The following WDR72 variants were observed in gnomAD, a reference collection of about 807,000 sequenced individuals.
WDR72 encodes the protein WD repeat-containing protein 72.
A neutral mutation model predicts 124.2 loss-of-function variants in WDR72; 120 were observed. The observed-to-expected ratio is 0.97, with a 90% CI of 0.83 to 1.12. The LOEUF (loss-of-function observed/expected upper bound fraction) is 1.12, where lower values mean the gene tolerates loss of function less well. Among genes scored for constraint, WDR72 ranks in the 50% most tolerant of loss-of-function variants. The pLI, the probability that WDR72 is intolerant of heterozygous loss-of-function variation, is 0.00. For synonymous variants in WDR72, 452 were observed against 441.7 expected (o/e 1.02, Z -0.29); for missense variants, 1,387 against 1,278.8 (o/e 1.08, Z -1.29).
intron 18 of WDR72, among the ~76,000 whole-genome samples, chr15:53,549,847 C>G (rs1364530032): frequency 6.6e-6 from 1 of 152,146 alleles, no homozygotes; most frequent in Non-Finnish European, 1.5e-5. Flanking sequence ...GTGCCCAACT[C>G]TATAATACAT....
intron 1 of WDR72, among the ~76,000 whole-genome samples, chr15:53,748,386 T>C (rs758803633): frequency 9.2e-5 from 14 of 152,222 alleles, no homozygotes; most frequent in Non-Finnish European, 1.6e-4. Context: ...TACATAAGTA[T>C]ATTTGTTTTG....
At chr15:53,635,730 G>A (rs1054716399) in intron 14 of WDR72, among the ~76,000 whole-genome samples, 1 of 152,100 alleles carries the variant, frequency 6.6e-6, no homozygotes, top group Non-Finnish European at 1.5e-5. Flanking sequence ...AAAACTAGCT[G>A]TTGGGTACAA....
intron 18 of WDR72, among the ~76,000 whole-genome samples, chr15:53,536,779 T>C (rs1377292031): frequency 6.6e-6 from 1 of 152,158 alleles, no homozygotes; most frequent in Non-Finnish European, 1.5e-5. Context: ...AGCAGTGACA[T>C]AGCACATTTA....
intron 14 of WDR72, among the ~76,000 whole-genome samples, chr15:53,642,458 G>A (rs1414621292): frequency 1.3e-5 from 2 of 151,946 alleles, no homozygotes; most frequent in African/African-American, 4.8e-5. Flanking sequence ...GTACACATAT[G>A]TTTTACTTCA....
intron 18 of WDR72, among the ~76,000 whole-genome samples, chr15:53,565,748 A>G (rs536662479): frequency 7.0e-6 from 1 of 143,542 alleles, no homozygotes; most frequent in East Asian, 2.1e-4. Flanking sequence ...CATTTCAAAC[A>G]TGTGCACATA....
chr15:53,655,259 A>AAAAAAAAAAAAAAG (rs1489415634), intron 14 of WDR72, among the ~76,000 whole-genome samples: 2 of 119,504 alleles, frequency 1.7e-5, no homozygotes, highest in African/African-American at 6.3e-5. Flanking sequence ...AAAAAAAAAA[A>AAAAAAAAAAAAAAG]AGAGATCTTA....
chr15:53,538,299 AAAGT>A (rs1208736647), intron 18 of WDR72, among the ~76,000 whole-genome samples: 1 of 152,198 alleles, frequency 6.6e-6, no homozygotes, highest in Non-Finnish European at 1.5e-5. Context: ...TTTATATTTC[AAAGT>A]AAGAACAGGT....
chr15:53,671,927 G>T (rs769894222), intron 13 of WDR72, among the ~76,000 whole-genome samples: 43 of 151,566 alleles, frequency 2.8e-4, no homozygotes, highest in South Asian at 1.0e-3. Flanking sequence ...GAAAGGGGAA[G>T]AGAAAAGAGA....
intron 18 of WDR72, among the ~76,000 whole-genome samples, chr15:53,596,087 G>T (rs961893907): frequency 2.0e-5 from 3 of 152,072 alleles, no homozygotes; most frequent in African/African-American, 7.2e-5. Flanking sequence ...CCTGTTTTAA[G>T]ATTTAACATT....
chr15:53,581,360 A>G (rs974722860), intron 18 of WDR72, among the ~76,000 whole-genome samples: 1 of 152,120 alleles, frequency 6.6e-6, no homozygotes, highest in African/African-American at 2.4e-5. Context: ...TTCAAATCTC[A>G]TAATTCATCA....
At chr15:53,635,250 G>GA (rs2014581291) in intron 14 of WDR72, among the ~76,000 whole-genome samples, 3 of 152,140 alleles carry the variant, frequency 2.0e-5, no homozygotes, top group South Asian at 2.1e-4. Flanking sequence ...CATTTTAACT[G>GA]AAAAAAGACA....
chr15:53,623,734 A>G (rs909621780), intron 14 of WDR72, among the ~76,000 whole-genome samples: 1 of 152,206 alleles, frequency 6.6e-6, no homozygotes, highest in Non-Finnish European at 1.5e-5. Context: ...TGCCTTCCAC[A>G]GTAGGTGAAC....
chr15:53,639,104 C>T (rs2014735388), intron 14 of WDR72, among the ~76,000 whole-genome samples: 1 of 152,154 alleles, frequency 6.6e-6, no homozygotes, highest in African/African-American at 2.4e-5. Context: ...GTCCACCAAT[C>T]TTATATCTAG....
intron 1 of WDR72, among the ~76,000 whole-genome samples, chr15:53,748,958 A>C (rs1251232675): frequency 6.6e-6 from 1 of 152,210 alleles, no homozygotes; most frequent in East Asian, 1.9e-4. Context: ...GTAGACAAGA[A>C]AGACAAAGCA....
intron 1 of WDR72, among the ~76,000 whole-genome samples, chr15:53,754,412 C>A (rs2140900496): frequency 6.6e-6 from 1 of 152,164 alleles, no homozygotes; most frequent in South Asian, 2.1e-4. Context: ...CCAACAAAAA[C>A]CAGGCAATAT....
At position 53,532,115 on chromosome 15, in the gene WDR72, T is replaced by C. The variant is rs184840295; in HGVS notation, c.3149-8793A>G. Among the ~76,000 whole-genome samples, 202 of 152,154 alleles carry C rather than the reference T, an allele frequency of 1.3e-3. 1 individual carries two copies. The highest frequency in any genetic ancestry group is 6.8e-3 in the Middle Eastern group (2 of 294). ...AGACATCATCTCACTCTAGTCAAAA[T>C]GGCTTTTAGACAAAAGACAGGCAAT... On this transcript the variant is annotated intron_variant, in intron 18 of 19. Transcript: ENST00000360509.
chr15:53,647,017 T>C (rs542780), intron 14 of WDR72, among the ~76,000 whole-genome samples: 54,312 of 151,890 alleles, frequency 0.36, 10,947 homozygotes, highest in East Asian at 0.53. Flanking sequence ...GTAAGGACAC[T>C]ATTAGTCCTA....
At chr15:53,735,353 G>A (rs139226045) in intron 1 of WDR72, among the ~76,000 whole-genome samples, 1 of 152,266 alleles carries the variant, frequency 6.6e-6, no homozygotes, top group East Asian at 1.9e-4. Context: ...ACACTGACGG[G>A]GGGAACGTAC....
At position 53,551,533 on chromosome 15, in the gene WDR72, C is replaced by T. The variant is rs79479482; in HGVS notation, c.3149-28211G>A. Among the ~76,000 whole-genome samples the T allele has an allele frequency of 9.7e-3, 1,470 of 152,162 alleles. 22 individuals carry two copies. Among genetic ancestry groups the T allele is most frequent in the African/African-American group, 0.034 (1,418 of 41,490 alleles). On this transcript the variant is annotated intron_variant, in intron 18 of 19. Coordinates refer to ENST00000360509, the MANE Select transcript of WDR72 (RefSeq NM_182758.4). ...AAGGAAGAAAGTCATATCTCCCTTC[C>T]GTAGATTTATTACCTGTCCATAAAT...
Sources: allele counts gnomAD v4.1 joint callset (sites outside exome capture counted in the v4.1 genomes callset), GRCh38; gene constraint gnomAD v4.1.1; transcripts MANE v1.5; gene names NCBI Gene and HGNC (gene_info 2026-07-23, HGNC 2026-07-21).